MYCBP2: variants seen among roughly 807,000 people sequenced by gnomAD.
MYCBP2 encodes the protein MYC binding protein 2.
In MYCBP2, 120 loss-of-function variants were observed where a neutral mutation model predicts 525.3. The observed-to-expected ratio is 0.23, with a 90% CI of 0.20 to 0.27. The LOEUF (loss-of-function observed/expected upper bound fraction) is 0.27, where lower values mean the gene tolerates loss of function less well. Ranked by LOEUF, MYCBP2 falls within the 10% of genes least tolerant of loss-of-function variation. The pLI is 1.00. For synonymous variants in MYCBP2, 1,894 were observed against 1,955.8 expected, an observed-to-expected ratio of 0.97 and a Z score of 0.83; for missense variants, 4,149 against 5,657.1, an observed-to-expected ratio of 0.73 and a Z score of 8.55.
rs1337853023 is a variant in MYCBP2 at position 77,243,914 on chromosome 13, C to A, written c.2419G>T (p.Val807Leu). ...GCACAGGCCTTGCAACATCCACACA[C>A]AGCACAACCAGATTCTCCGGAACCA... is the stretch of plus-strand genomic sequence containing the variant. The part of the protein sequence containing the change: ...GCGSGESGCA[V>L]CGCCKACARE... The change falls in exon 16 of 83, where the codon GTG (valine) becomes TTG (leucine). Residue 807 changes from valine to leucine, a missense_variant. Physicochemically the swap from Val to Leu is conservative, Grantham distance 32 (BLOSUM62 1). This residue lies in a region of MYCBP2 where 620 missense variants were observed against 795.5 expected (regional missense o/e 0.78). Transcript: ENST00000544440. 15 of 1,604,546 alleles carry A rather than the reference C, an allele frequency of 9.3e-6. No homozygotes were observed. The highest frequency in any genetic ancestry group is 1.7e-5 in the Admixed American group (1 of 58,688).
At chr13:77,285,599 C>T (rs2076640843) in intron 3 of MYCBP2, among the ~76,000 whole-genome samples, 1 of 152,092 alleles carries the variant, frequency 6.6e-6, no homozygotes, top group Non-Finnish European at 1.5e-5. Flanking sequence ...CCAGCTTTAC[C>T]AACATGGAGA....
intron 55 of MYCBP2, among the ~76,000 whole-genome samples, chr13:77,101,021 T>C (rs1322091771): frequency 6.6e-6 from 1 of 152,100 alleles, no homozygotes; most frequent in Non-Finnish European, 1.5e-5. Context: ...CAAATTATAT[T>C]TGGTAGATTA....
Position 77,199,740 on chromosome 13 carries a change from C to T in MYCBP2, c.3844-5496G>A, listed in dbSNP as rs537547991. Among the ~76,000 whole-genome samples, 4 of 152,290 alleles carry T rather than the reference C, an allele frequency of 2.6e-5. No homozygotes were observed. In the East Asian group the frequency reaches 5.8e-4, roughly 22 times the overall value. The stretch of plus-strand genomic sequence containing the variant: ...CTCAAGTGGGTCCCTGACCCCTGAC[C>T]CTCCAGCAGCCTAACTGGGAGGCAC... On this transcript the variant is annotated intron_variant, in intron 26 of 82. Transcript: ENST00000544440.
chr13:77,326,745 C>G lies in MYCBP2; in HGVS notation c.31G>C (p.Ala11Pro). MMMCAATASP[A>P]AASSGLGGDG... ...CCGCCGAGCCCCGAGGAGGCGGCGGCGGGGGAGGCAGTCGCTGCGCACATC... is the reference window on the plus strand; with the variant it reads ...CCGCCGAGCCCCGAGGAGGCGGCGGGGGGGGAGGCAGTCGCTGCGCACATC... The change falls in exon 1 of 83, where the codon GCC (alanine) becomes CCC (proline). Residue 11 changes from alanine (A) to proline (P), a missense_variant. By Grantham distance (27) the Ala-to-Pro change is conservative. Transcript: ENST00000544440. The surrounding 1 kb of genome is among the most constrained non-coding windows in gnomAD (Gnocchi z 4.2). 1 of 1,409,928 alleles carries G rather than the reference C, an allele frequency of 7.1e-7. No individual in the cohort carries two copies. Among genetic ancestry groups the G allele is most frequent in the Non-Finnish European group, 9.1e-7 (1 of 1,095,478 alleles). The allele number at this position is 1,409,928 out of a possible 1,614,324, so 87.3% of individuals were successfully genotyped here. A position where few individuals can be genotyped will look rare whatever the true frequency, so the allele number is the denominator to read the frequency against.
chr13:77,292,349 A>C lies in MYCBP2; in HGVS notation c.379-3973T>G, dbSNP rs117937242. Reference sequence around the variant, plus strand: ...GTGAGATTTATGAGTCCTTCTGGCAAATCAAAGGAAAAACCACCTAAACAT... The same window carrying C: ...GTGAGATTTATGAGTCCTTCTGGCACATCAAAGGAAAAACCACCTAAACAT... On this transcript the variant is annotated intron_variant, in intron 2 of 82. Coordinates refer to ENST00000544440, the MANE Select transcript of MYCBP2 (RefSeq NM_015057.5). Among the ~76,000 whole-genome samples the C allele has an allele frequency of 3.0e-4, 45 of 152,246 alleles. No individual in the cohort carries two copies. In the East Asian group the frequency reaches 8.7e-3, roughly 29 times the overall value.
At chr13:77,096,749 ATACT>A (rs2046314509) in intron 56 of MYCBP2, among the ~76,000 whole-genome samples, 1 of 152,180 alleles carries the variant, frequency 6.6e-6, no homozygotes, top group Non-Finnish European at 1.5e-5. Flanking sequence ...ATATTTAGAT[ATACT>A]TAATTATGTC....
rs79427491 is a variant in MYCBP2 at position 77,131,589 on chromosome 13, T to C, written c.7660-5047A>G. Reference sequence around the variant, plus strand: ...TTAGAAATGTTTTAGTCTAAAGATATGAACATTCAGGAAAATGTTAATTTT... The same window carrying C: ...TTAGAAATGTTTTAGTCTAAAGATACGAACATTCAGGAAAATGTTAATTTT... On this transcript the variant is annotated intron_variant, in intron 52 of 82. Coordinates refer to ENST00000544440, the MANE Select transcript of MYCBP2 (RefSeq NM_015057.5). 7.9e-3 allele frequency among the ~76,000 whole-genome samples: 1,202 copies of C among 152,182 alleles called. 18 individuals carry two copies. Among genetic ancestry groups the C allele is most frequent in the African/African-American group, 0.027 (1,139 of 41,518 alleles).
At chr13:77,056,132 GT>G (rs2037981674) in intron 79 of MYCBP2, among the ~76,000 whole-genome samples, 1 of 150,826 alleles carries the variant, frequency 6.6e-6, no homozygotes, top group Non-Finnish European at 1.5e-5. Flanking sequence ...GTGTGTGTGT[GT>G]GTGTGTGTGT....
At chr13:77,111,637 T>C (rs2048847399) in intron 55 of MYCBP2, among the ~76,000 whole-genome samples, 2 of 151,838 alleles carry the variant, frequency 1.3e-5, no homozygotes, top group Admixed American at 1.3e-4. Flanking sequence ...TTGTCCAGAC[T>C]GGTCCTAAGC....
chr13:77,241,410 G>A (rs758615510), intron 17 of MYCBP2, among the ~76,000 whole-genome samples: 4 of 152,116 alleles, frequency 2.6e-5, no homozygotes, highest in Non-Finnish European at 5.9e-5. Flanking sequence ...AGAAATAGCT[G>A]CATTTTGTAG....
At chr13:77,269,963 A>G in intron 7 of MYCBP2, 29 bp downstream of exon 7, 1 of 1,537,446 alleles carries the variant, frequency 6.5e-7, no homozygotes, top group Non-Finnish European at 8.9e-7. Context: ...AGATAAGAAA[A>G]TTTTGGTTTA....
intron 65 of MYCBP2, among the ~76,000 whole-genome samples, chr13:77,080,168 A>G (rs531881949): frequency 1.3e-5 from 2 of 152,334 alleles, no homozygotes; most frequent in African/African-American, 4.8e-5. Flanking sequence ...AATAGCTCAT[A>G]TTATATTAGC....
At chr13:77,133,205 T>G (rs540442768) in intron 52 of MYCBP2, among the ~76,000 whole-genome samples, 1 of 152,284 alleles carries the variant, frequency 6.6e-6, no homozygotes, top group South Asian at 2.1e-4. Context: ...CTCCACTACT[T>G]TCTACTTGTG....
intron 45 of MYCBP2, among the ~76,000 whole-genome samples, chr13:77,156,784 TAC>T (rs1436495303): frequency 6.6e-6 from 1 of 152,258 alleles, no homozygotes; most frequent in Non-Finnish European, 1.5e-5. Context: ...TTCTGTGATC[TAC>T]ACATTCAAGT....
At chr13:77,305,904 T>C (rs2079359905) in intron 1 of MYCBP2, among the ~76,000 whole-genome samples, 1 of 152,140 alleles carries the variant, frequency 6.6e-6, no homozygotes, top group South Asian at 2.1e-4. Flanking sequence ...AGATTATCTA[T>C]AAAAAACCTA....
chr13:77,047,363 G>A (rs2035783732), intron 82 of MYCBP2, among the ~76,000 whole-genome samples: 2 of 152,074 alleles, frequency 1.3e-5, no homozygotes, highest in Non-Finnish European at 2.9e-5. Flanking sequence ...TAACTCATGG[G>A]GTGCTGTGAA....
rs764735298 is a variant in MYCBP2 at position 77,097,584 on chromosome 13, A to G, written c.9570T>C (p.Cys3190=). 1.2e-6 allele frequency: 2 copies of G among 1,613,488 alleles called. No homozygotes were observed. Among genetic ancestry groups the G allele is most frequent in the Non-Finnish European group, 1.7e-6 (2 of 1,179,788 alleles). The change falls in exon 56 of 83, where the codon TGT becomes TGC. Residue 3190 remains cysteine (C), a synonymous_variant. Coordinates refer to ENST00000544440, the MANE Select transcript of MYCBP2 (RefSeq NM_015057.5). ...CACACTCTTTCTTTTTAAGAACTGC[A>G]CAGGAACCAGGACTTGGAAAAATCA... ...QNMIFPSPGS[C]AVLKKKECEK... is the part of the protein sequence containing the mutation.
At chr13:77,206,613 C>T (rs1451570124) in intron 24 of MYCBP2, 40 bp downstream of exon 24, 3 of 1,514,218 alleles carry the variant, frequency 2.0e-6, no homozygotes, top group Middle Eastern at 1.8e-4. Flanking sequence ...GGACAGCACA[C>T]ATTAATGTGA....
At chr13:77,161,720 A>G (rs1281453887) in intron 44 of MYCBP2, among the ~76,000 whole-genome samples, 186 bp downstream of exon 44, 1 of 152,198 alleles carries the variant, frequency 6.6e-6, no homozygotes, top group East Asian at 1.9e-4. Context: ...CACCAAATAC[A>G]TAGGGCTCAC....
Sources: gnomAD v4.1 joint callset for allele counts (sites outside exome capture counted in the v4.1 genomes callset) on GRCh38, gnomAD v4.1.1 for gene constraint, gnomAD v4.1.1 regional missense constraint, Gnocchi (gnomAD v3.1) non-coding constraint, MANE v1.5 for transcripts, NCBI Gene and HGNC (gene_info 2026-07-23, HGNC 2026-07-21) for gene names.